Variants in CPNE4 observed in about 807,000 individuals in gnomAD.
The protein encoded by CPNE4 is copine 4.
In CPNE4, 25 loss-of-function variants were observed where a neutral mutation model predicts 67.9. That is an observed-to-expected ratio of 0.37 (90% CI 0.27 to 0.51). The LOEUF is 0.51. CPNE4 is among the 20% of genes least tolerant of loss of function. CPNE4 has a pLI of 0.93. For synonymous variants in CPNE4, 242 were observed against 244.9 expected, an observed-to-expected ratio of 0.99 and a Z score of 0.11; for missense variants, 464 against 690.8, an observed-to-expected ratio of 0.67 and a Z score of 3.68.
chr3:132,023,817 T>A (rs1283823701), intron 1 of CPNE4, among the ~76,000 whole-genome samples: 1 of 152,096 alleles, frequency 6.6e-6, no homozygotes, highest in Non-Finnish European at 1.5e-5. Context: ...CAAGTCACCA[T>A]CACAAGACAT....
At chr3:131,696,195 C>A (rs1244510182) in intron 5 of CPNE4, among the ~76,000 whole-genome samples, 1 of 152,202 alleles carries the variant, frequency 6.6e-6, no homozygotes, top group Non-Finnish European at 1.5e-5. Flanking sequence ...ACTTGGCAAA[C>A]ATAGGTGCTC....
At chr3:131,824,352 G>T (rs1228754156) in intron 2 of CPNE4, among the ~76,000 whole-genome samples, 2 of 152,084 alleles carry the variant, frequency 1.3e-5, no homozygotes, top group South Asian at 2.1e-4. Context: ...GATTAAAAAA[G>T]AACTATCCAT....
chr3:131,758,760 T>C (rs1391504695), intron 2 of CPNE4, among the ~76,000 whole-genome samples: 1 of 152,044 alleles, frequency 6.6e-6, no homozygotes, highest in Non-Finnish European at 1.5e-5. Flanking sequence ...GGGGAGGCAA[T>C]TGAATCACGG....
chr3:131,577,751 T>G (rs780728202), intron 9 of CPNE4, among the ~76,000 whole-genome samples: 92 of 152,100 alleles, frequency 6.0e-4, no homozygotes, highest in Non-Finnish European at 1.1e-3. Context: ...ACACTTAAGC[T>G]ACACTGAATT....
chr3:131,774,435 C>T (rs746284692), intron 2 of CPNE4, among the ~76,000 whole-genome samples: 5 of 151,990 alleles, frequency 3.3e-5, no homozygotes, highest in Non-Finnish European at 7.4e-5. Context: ...TTAGACCAGC[C>T]TGAATGTGAA....
At chr3:131,845,298 CACA>C (rs1467785795) in intron 2 of CPNE4, among the ~76,000 whole-genome samples, 3 of 152,330 alleles carry the variant, frequency 2.0e-5, no homozygotes, top group East Asian at 3.9e-4. Flanking sequence ...ACTTAATCTT[CACA>C]ACAACACTAT....
intron 2 of CPNE4, among the ~76,000 whole-genome samples, chr3:131,901,965 T>A (rs936790291): frequency 1.3e-5 from 2 of 152,138 alleles, no homozygotes; most frequent in Non-Finnish European, 2.9e-5. Flanking sequence ...GAGTTCCTGT[T>A]GTTCATCCCT....
intron 6 of CPNE4, among the ~76,000 whole-genome samples, chr3:131,676,092 G>A (rs1024547789): frequency 6.7e-6 from 1 of 149,372 alleles, no homozygotes; most frequent in African/African-American, 2.4e-5. Flanking sequence ...GTCTCATTCT[G>A]TTGTCCAGGC....
At chr3:131,918,993 C>T (rs2070664685) in intron 1 of CPNE4, among the ~76,000 whole-genome samples, 1 of 152,002 alleles carries the variant, frequency 6.6e-6, no homozygotes, top group African/African-American at 2.4e-5. Context: ...TGAGAATGCC[C>T]AGGAAACAGT....
At chr3:131,545,225 C>CAAAT (rs1935759174) in intron 14 of CPNE4, among the ~76,000 whole-genome samples, 1 of 152,076 alleles carries the variant, frequency 6.6e-6, no homozygotes, top group South Asian at 2.1e-4. Context: ...TCACAAAATA[C>CAAAT]AAATATTATT....
chr3:131,583,889 T>C (rs904768467), intron 8 of CPNE4, among the ~76,000 whole-genome samples: 1 of 152,088 alleles, frequency 6.6e-6, no homozygotes, highest in Non-Finnish European at 1.5e-5. Context: ...GTCATACAGG[T>C]AGTAACTGGT....
chr3:131,779,720 A>G (rs571683358), intron 2 of CPNE4, among the ~76,000 whole-genome samples: 2 of 152,184 alleles, frequency 1.3e-5, no homozygotes, highest in African/African-American at 4.8e-5. Context: ...AAAATCTAAA[A>G]CCATAAAAGC....
At chr3:131,590,330 G>T (rs1938453280) in intron 7 of CPNE4, among the ~76,000 whole-genome samples, 1 of 152,104 alleles carries the variant, frequency 6.6e-6, no homozygotes, top group Non-Finnish European at 1.5e-5. Context: ...TAAATCTAGG[G>T]GTGGAACTCT....
At chr3:131,986,587 G>A (rs1340999391) in intron 1 of CPNE4, among the ~76,000 whole-genome samples, 1 of 152,132 alleles carries the variant, frequency 6.6e-6, no homozygotes, top group Non-Finnish European at 1.5e-5. Context: ...TCAGAGACAG[G>A]AGGAATTGTG....
At chr3:131,805,262 A>C (rs1168140583) in intron 2 of CPNE4, among the ~76,000 whole-genome samples, 3 of 152,190 alleles carry the variant, frequency 2.0e-5, no homozygotes, top group Non-Finnish European at 2.9e-5. Context: ...GCTAGTGTAA[A>C]GTACAATTTT....
chr3:131,878,864 G>T (rs1219269771), intron 2 of CPNE4, among the ~76,000 whole-genome samples: 1 of 152,204 alleles, frequency 6.6e-6, no homozygotes. Flanking sequence ...AATATTTAGT[G>T]CCAATCAGGT....
chr3:131,638,136 C>T (rs193027113), intron 7 of CPNE4, among the ~76,000 whole-genome samples: 2 of 151,632 alleles, frequency 1.3e-5, no homozygotes, highest in Admixed American at 6.6e-5. Flanking sequence ...GAAAAAAAAA[C>T]CACAAGGTAT....
chr3:131,972,107 C>T (rs2072519048), intron 1 of CPNE4, among the ~76,000 whole-genome samples: 1 of 150,066 alleles, frequency 6.7e-6, no homozygotes, highest in Admixed American at 6.7e-5. Context: ...TATCTTCTAT[C>T]CTTTAGAGAG....
chr3:131,594,817 T>G (rs903457007), intron 7 of CPNE4, among the ~76,000 whole-genome samples: 6 of 152,158 alleles, frequency 3.9e-5, no homozygotes, highest in African/African-American at 1.2e-4. Context: ...GGTTTAATTG[T>G]CTAAATAAAC....
Sources: gnomAD v4.1 joint callset for allele counts (sites outside exome capture counted in the v4.1 genomes callset) on GRCh38, gnomAD v4.1.1 for gene constraint, MANE v1.5 for transcripts, NCBI Gene and HGNC (gene_info 2026-07-23, HGNC 2026-07-21) for gene names.